ST18: variants seen among roughly 807,000 people sequenced by gnomAD.
ST18 encodes the protein suppression of tumorigenicity 18 protein.
Under a neutral mutation model 110.0 loss-of-function variants are expected in ST18, and 50 were observed. That is an observed-to-expected ratio of 0.45 (90% CI 0.36 to 0.58). The LOEUF is 0.58. Ranked by LOEUF, ST18 falls within the 20% of genes least tolerant of loss-of-function variation. The pLI is 0.00. For synonymous variants in ST18, 461 were observed against 452.4 expected (o/e 1.02, Z -0.24); for missense variants, 1,306 against 1,280.1 (o/e 1.02, Z -0.31).
At chr8:52,306,639 A>G (rs886639944) in intron 2 of ST18, among the ~76,000 whole-genome samples, 55 of 152,352 alleles carry the variant, frequency 3.6e-4, no homozygotes, top group African/African-American at 1.3e-3. Flanking sequence ...AGAACAAAGT[A>G]TAATAGCAGA....
chr8:52,338,954 A>T (rs540193084), intron 2 of ST18, among the ~76,000 whole-genome samples: 6 of 150,998 alleles, frequency 4.0e-5, no homozygotes, highest in Non-Finnish European at 7.4e-5. Context: ...TATGTTGCCC[A>T]GACTAATCTC....
At chr8:52,276,963 T>A (rs2139057018) in intron 2 of ST18, among the ~76,000 whole-genome samples, 1 of 152,162 alleles carries the variant, frequency 6.6e-6, no homozygotes, top group South Asian at 2.1e-4. Context: ...GACGGGGTTT[T>A]GCCATGTTGG....
At chr8:52,203,018 AC>A (rs1453193592) in intron 8 of ST18, among the ~76,000 whole-genome samples, 3 of 152,222 alleles carry the variant, frequency 2.0e-5, no homozygotes, top group Non-Finnish European at 4.4e-5. Flanking sequence ...GGTTAAACAT[AC>A]AGGGGTAGAT....
intron 8 of ST18, chr8:52,199,504 T>C (rs995113682): frequency 6.6e-6 from 1 of 152,144 alleles, no homozygotes; most frequent in Non-Finnish European, 1.5e-5. Flanking sequence ...TGCCAAGAAA[T>C]TGCCCTGCAT....
intron 11 of ST18, among the ~76,000 whole-genome samples, chr8:52,166,189 G>A (rs1385476024): frequency 6.6e-6 from 1 of 152,214 alleles, no homozygotes; most frequent in Non-Finnish European, 1.5e-5. Flanking sequence ...TAATAACCAT[G>A]ACTTATTTTT....
intron 2 of ST18, among the ~76,000 whole-genome samples, chr8:52,294,825 C>A (rs554378762): frequency 6.6e-6 from 1 of 152,290 alleles, no homozygotes; most frequent in East Asian, 1.9e-4. Flanking sequence ...CAGGGTAGAG[C>A]CCCCACATTT....
At chr8:52,402,448 G>A (rs1843083451) in intron 2 of ST18, among the ~76,000 whole-genome samples, 1 of 152,124 alleles carries the variant, frequency 6.6e-6, no homozygotes, top group Non-Finnish European at 1.5e-5. Flanking sequence ...CTTGGGCCCA[G>A]GGTTCAAGGA....
intron 2 of ST18, among the ~76,000 whole-genome samples, chr8:52,357,730 T>TATAA (rs1564569022): frequency 9.2e-5 from 8 of 86,796 alleles, no homozygotes; most frequent in Non-Finnish European, 2.0e-4. Context: ...TATATATATA[T>TATAA]AAAACAGACT....
intron 11 of ST18, among the ~76,000 whole-genome samples, chr8:52,165,882 A>C (rs7830163): frequency 0.16 from 24,103 of 152,212 alleles, 2,003 homozygotes; most frequent in East Asian, 0.21. Flanking sequence ...GTAGGTTCAC[A>C]AAGTGGAAGA....
intron 2 of ST18, among the ~76,000 whole-genome samples, chr8:52,382,390 T>G (rs1029945630): frequency 1.3e-5 from 2 of 152,036 alleles, no homozygotes; most frequent in Non-Finnish European, 2.9e-5. Context: ...GAAGCAAAAA[T>G]AAAAAACACT....
At chr8:52,384,181 C>T (rs1014184859) in intron 2 of ST18, among the ~76,000 whole-genome samples, 1 of 152,088 alleles carries the variant, frequency 6.6e-6, no homozygotes, top group African/African-American at 2.4e-5. Context: ...AAATTACAAC[C>T]TATTTCTATC....
At position 52,149,729 on chromosome 8, in the gene ST18, T is replaced by C; in HGVS notation, c.2052+3A>G. ...CTTATTGATTGACATATGGAAACAA[T>C]ACCTCTTTCTCCTCCTCTGTCTTCC... On this transcript the variant is annotated splice_donor_region_variant and intron_variant, in intron 16 of 25. Coordinates refer to ENST00000689386, the MANE Select transcript of ST18 (RefSeq NM_001352837.2). 6.2e-7 allele frequency: 1 copy of C among 1,613,062 alleles called. No individual in the cohort carries two copies. The highest frequency in any genetic ancestry group is 8.5e-7 in the Non-Finnish European group (1 of 1,179,382).
chr8:52,385,941 C>T (rs1836547988), intron 2 of ST18, among the ~76,000 whole-genome samples: 1 of 152,138 alleles, frequency 6.6e-6, no homozygotes, highest in Non-Finnish European at 1.5e-5. Flanking sequence ...GGGAAGGGCC[C>T]TCACAAATGT....
At chr8:52,311,062 CA>C (rs1445562701) in intron 2 of ST18, among the ~76,000 whole-genome samples, 1 of 152,194 alleles carries the variant, frequency 6.6e-6, no homozygotes, top group Non-Finnish European at 1.5e-5. Context: ...CAGAAAACTC[CA>C]AGATCCTCTC....
At chr8:52,135,568 C>CAAAAAAAAA (rs71252929) in intron 19 of ST18, among the ~76,000 whole-genome samples, 15 of 56,082 alleles carry the variant, frequency 2.7e-4, no homozygotes, top group Admixed American at 2.3e-4. Context: ...AACTCCATCT[C>CAAAAAAAAA]AAAAAAAAAA....
intron 15 of ST18, among the ~76,000 whole-genome samples, chr8:52,152,160 G>A (rs2058976051): frequency 6.6e-6 from 1 of 152,190 alleles, no homozygotes; most frequent in Non-Finnish European, 1.5e-5. Flanking sequence ...GGCTCACTGG[G>A]GAGCAGGGTA....
intron 2 of ST18, among the ~76,000 whole-genome samples, chr8:52,389,051 G>T (rs1371695565): frequency 6.6e-6 from 1 of 151,854 alleles, no homozygotes; most frequent in Non-Finnish European, 1.5e-5. Flanking sequence ...CCCGAGAAGC[G>T]TGCAGCAGGC....
intron 17 of ST18, among the ~76,000 whole-genome samples, chr8:52,139,859 T>C (rs35416228): frequency 0.045 from 6,898 of 152,284 alleles, 313 homozygotes; most frequent in African/African-American, 0.11. Flanking sequence ...GGGGGAAAGT[T>C]GCAGTTTGGA....
At chr8:52,309,017 CAG>C (rs1301511702) in intron 2 of ST18, among the ~76,000 whole-genome samples, 1 of 152,184 alleles carries the variant, frequency 6.6e-6, no homozygotes, top group Non-Finnish European at 1.5e-5. Flanking sequence ...GTGGACAAAA[CAG>C]GGGAAGCCAA....
Sources: allele counts gnomAD v4.1 joint callset (sites outside exome capture counted in the v4.1 genomes callset), GRCh38; gene constraint gnomAD v4.1.1; transcripts MANE v1.5; gene names NCBI Gene and HGNC (gene_info 2026-07-23, HGNC 2026-07-21).